SPART: variants seen among roughly 807,000 people sequenced by gnomAD.
The protein encoded by SPART is spartin.
In SPART, 35 loss-of-function variants were observed where a neutral mutation model predicts 58.7. That is an observed-to-expected ratio of 0.60 (90% confidence interval 0.46 to 0.79). The LOEUF is 0.79. Among genes scored for constraint, SPART ranks in the 30% least tolerant of loss-of-function variants. The probability of loss-of-function intolerance (pLI) is 0.00; values close to 1 mark genes in which losing one functional copy is unlikely to be tolerated. For synonymous variants in SPART, 284 were observed against 280.7 expected, an observed-to-expected ratio of 1.01 and a Z score of -0.12; for missense variants, 730 against 786.1, an observed-to-expected ratio of 0.93 and a Z score of 0.85.
At chr13:36,367,396 A>G (rs1267851017) in intron 1 of SPART, among the ~76,000 whole-genome samples, 1 of 152,110 alleles carries the variant, frequency 6.6e-6, no homozygotes, top group African/African-American at 2.4e-5. Flanking sequence ...CGTGAATGAC[A>G]TGCCTAGTCA....
At chr13:36,313,830 G>A in intron 6 of SPART, 1 of 243,196 alleles carries the variant, frequency 4.1e-6, no homozygotes, top group South Asian at 5.2e-5. Flanking sequence ...ACATTTCTTA[G>A]AACTTACCTC....
chr13:36,318,027 C>T (rs531254052), intron 5 of SPART, among the ~76,000 whole-genome samples: 1 of 152,262 alleles, frequency 6.6e-6, no homozygotes, highest in South Asian at 2.1e-4. Flanking sequence ...CTTTCCCTCC[C>T]GCCTGTCCCC....
intron 5 of SPART, among the ~76,000 whole-genome samples, chr13:36,321,370 A>C (rs1882366253): frequency 6.6e-6 from 1 of 152,166 alleles, no homozygotes. Flanking sequence ...GACTATGCTG[A>C]ATCTCCTTAG....
intron 1 of SPART, among the ~76,000 whole-genome samples, chr13:36,357,145 A>G (rs1408857434): frequency 2.0e-5 from 3 of 152,164 alleles, no homozygotes; most frequent in Non-Finnish European, 4.4e-5. Flanking sequence ...CCTTGGAGTG[A>G]GGCAGAGCGT....
At chr13:36,359,003 C>T (rs1885733188) in intron 1 of SPART, among the ~76,000 whole-genome samples, 1 of 152,140 alleles carries the variant, frequency 6.6e-6, no homozygotes, top group Non-Finnish European at 1.5e-5. Context: ...ATCTCACCAC[C>T]TCCCACCCCC....
intron 5 of SPART, among the ~76,000 whole-genome samples, chr13:36,319,082 T>C (rs1270738420): frequency 6.6e-6 from 1 of 151,966 alleles, no homozygotes; most frequent in African/African-American, 2.4e-5. Context: ...CCTCCATAAC[T>C]GTTGTGGGTA....
At chr13:36,331,690 T>A (rs1883480925) in intron 2 of SPART, 94 bp from the exon 3 acceptor site, 3 of 925,798 alleles carry the variant, frequency 3.2e-6, no homozygotes, top group Non-Finnish European at 4.9e-6. Context: ...TACTAGAAAA[T>A]AAACACTTCA....
intron 1 of SPART, chr13:36,345,475 G>GT (rs1185614332): frequency 6.6e-6 from 1 of 152,172 alleles, no homozygotes; most frequent in Non-Finnish European, 1.5e-5. Flanking sequence ...TTCAAAGGCT[G>GT]TAACAACCTG....
intron 8 of SPART, among the ~76,000 whole-genome samples, chr13:36,307,620 G>T (rs1380396337): frequency 1.3e-5 from 2 of 151,968 alleles, no homozygotes; most frequent in African/African-American, 4.8e-5. Flanking sequence ...CTTTAAAGTG[G>T]AATAAAAGAA....
chr13:36,330,080 T>C (rs1593255226), intron 3 of SPART, among the ~76,000 whole-genome samples: 1 of 152,170 alleles, frequency 6.6e-6, no homozygotes, highest in South Asian at 2.1e-4. Context: ...AAAAATTAAA[T>C]TGAAGACAGA....
intron 1 of SPART, chr13:36,369,664 C>T (rs551948730): frequency 1.1e-3 from 163 of 150,754 alleles, no homozygotes; most frequent in African/African-American, 3.8e-3. Context: ...TGCTTTTCTC[C>T]TACAGGTAAA....
intron 2 of SPART, 124 bp from the exon 3 acceptor site, chr13:36,331,720 AAAGGCTTTAAG>A (rs1425879629): frequency 2.7e-6 from 2 of 729,536 alleles, no homozygotes; most frequent in Non-Finnish European, 4.4e-6. Flanking sequence ...ACATATTTTA[AAAGGCTTTAAG>A]AAACATCAAC....
In SPART at chr13:36,352,176, T is replaced by A. The variant is rs139694586; in HGVS notation, c.-2-16344A>T. On this transcript the variant is annotated intron_variant, in intron 1 of 8. Transcript: ENST00000355182. ...CATTACTTTTTTCTTTCTTGAACTC[T>A]ACATTATATGAAAAGCATGCATTTG... 4.8e-3 allele frequency among the ~76,000 whole-genome samples: 730 copies of A among 152,376 alleles called. 4 individuals are homozygous for A. Among genetic ancestry groups the A allele is most frequent in the Admixed American group, 8.6e-3 (132 of 15,312 alleles).
intron 2 of SPART, 117 bp downstream of exon 2, chr13:36,334,904 C>T: frequency 1.2e-6 from 1 of 809,144 alleles, no homozygotes; most frequent in Non-Finnish European, 2.0e-6. Context: ...TATTTAAAAA[C>T]AAAGTAGAAT....
chr13:36,312,031 G>A, intron 8 of SPART, 114 bp downstream of exon 8: 1 of 927,940 alleles, frequency 1.1e-6, no homozygotes. Context: ...AGGTTGCAGT[G>A]ACCTAAGATC....
intron 2 of SPART, among the ~76,000 whole-genome samples, chr13:36,331,806 T>C (rs1187338018): frequency 2.6e-5 from 4 of 152,224 alleles, no homozygotes; most frequent in African/African-American, 9.6e-5. Flanking sequence ...AGGACTGTGC[T>C]AAATGTGCCA....
chr13:36,303,967 A>G lies in SPART; in HGVS notation c.*398T>C, dbSNP rs1880237243. 1 of 185,000 alleles carries G rather than the reference A, an allele frequency of 5.4e-6. No homozygotes were observed. Among genetic ancestry groups the G allele is most frequent in the Non-Finnish European group, 1.1e-5 (1 of 88,032 alleles). The allele number at this position is 185,000 out of a possible 1,614,324, so 11.5% of individuals were successfully genotyped here. ...TACTTTAAGTCATTCCTTCTATAAA[A>G]AGAATTAAGGTTACTAAATGCCAAT... On this transcript the variant is annotated 3_prime_UTR_variant, in exon 9 of 9. Coordinates refer to ENST00000438666, the MANE Select transcript of SPART (RefSeq NM_015087.5).
chr13:36,316,563 C>A lies in SPART; in HGVS notation c.1289-2142G>T, dbSNP rs541340771. ...GCTCAAAAAGCACCCCCACTGAGCA[C>A]CTTGCGACCCCCACTCCTACCTGAC... On this transcript the variant is annotated intron_variant, in intron 5 of 8. Coordinates refer to ENST00000438666, the MANE Select transcript of SPART (RefSeq NM_015087.5). Among the ~76,000 whole-genome samples the A allele has an allele frequency of 3.9e-3, 587 of 152,152 alleles. 5 individuals are homozygous for A. Among genetic ancestry groups the A allele is most frequent in the African/African-American group, 0.014 (570 of 41,494 alleles).
intron 1 of SPART, chr13:36,368,087 T>A: frequency 5.7e-6 from 2 of 350,544 alleles, no homozygotes; most frequent in South Asian, 4.6e-5. Flanking sequence ...TGATCATGGC[T>A]CTAAAACTTT....
Sources: allele counts gnomAD v4.1 joint callset (sites outside exome capture counted in the v4.1 genomes callset), GRCh38; gene constraint gnomAD v4.1.1; transcripts MANE v1.5; gene names NCBI Gene and HGNC (gene_info 2026-07-23, HGNC 2026-07-21).